The following CNMD variants were observed in gnomAD, a reference collection of about 807,000 sequenced individuals.
CNMD encodes the protein leukocyte cell-derived chemotaxin 1.
In CNMD, 30 loss-of-function variants were observed where a neutral mutation model predicts 37.5. The ratio of observed to expected loss-of-function variants is 0.80; its 90% CI spans 0.60 to 1.09. CNMD has a LOEUF of 1.09. Among genes scored for constraint, CNMD ranks in the 50% least tolerant of loss-of-function variants. The probability of loss-of-function intolerance (pLI) is 0.00; values close to 1 mark genes in which losing one functional copy is unlikely to be tolerated. For missense variants in CNMD, 398 were observed against 423.9 expected (o/e 0.94, Z 0.54); for synonymous variants, 167 against 148.2 (o/e 1.13, Z -0.92).
At chr13:52,730,916 C>T (rs541008842) in intron 3 of CNMD, among the ~76,000 whole-genome samples, 2 of 152,044 alleles carry the variant, frequency 1.3e-5, no homozygotes, top group South Asian at 4.2e-4. Flanking sequence ...CTGGACGAAC[C>T]GGGGAGACTG....
chr13:52,721,841 A>T (rs2138249314), intron 4 of CNMD, among the ~76,000 whole-genome samples: 1 of 152,370 alleles, frequency 6.6e-6, no homozygotes. Flanking sequence ...CAGAAAATAT[A>T]CTGCAAACTT....
At chr13:52,724,198 G>A (rs1594285249) in intron 3 of CNMD, 88 bp from the exon 4 acceptor site, 13 of 956,810 alleles carry the variant, frequency 1.4e-5, no homozygotes, top group African/African-American at 4.8e-5. Context: ...ATGCTGTTCC[G>A]GGTGCTAGGG....
chr13:52,704,803 T>C (rs889616082), intron 6 of CNMD, among the ~76,000 whole-genome samples: 48 of 152,174 alleles, frequency 3.2e-4, no homozygotes, highest in African/African-American at 1.2e-3. Flanking sequence ...GGCTCATGCC[T>C]GCAATCCCAG....
At chr13:52,705,195 G>A (rs1392703042) in intron 6 of CNMD, among the ~76,000 whole-genome samples, 2 of 152,050 alleles carry the variant, frequency 1.3e-5, no homozygotes, top group Admixed American at 1.3e-4. Flanking sequence ...CAAAAGATAG[G>A]GAAATAATTT....
At chr13:52,709,289 T>G (rs1483711027) in intron 5 of CNMD, among the ~76,000 whole-genome samples, 1 of 152,196 alleles carries the variant, frequency 6.6e-6, no homozygotes, top group African/African-American at 2.4e-5. Context: ...GGAAAGAGAC[T>G]TGATGGTATC....
intron 2 of CNMD, among the ~76,000 whole-genome samples, chr13:52,733,672 C>T (rs1964712200): frequency 1.3e-5 from 2 of 152,160 alleles, no homozygotes; most frequent in Admixed American, 6.5e-5. Flanking sequence ...CTGGGTTTCA[C>T]CCTGGACAAA....
intron 6 of CNMD, among the ~76,000 whole-genome samples, 173 bp from the exon 7 acceptor site, chr13:52,703,983 A>C (rs1233946600): frequency 6.6e-6 from 1 of 151,196 alleles, no homozygotes; most frequent in South Asian, 2.1e-4. Context: ...GCTGTCATTC[A>C]TAATTCCTTT....
chr13:52,737,562 G>A (rs1013364408), intron 2 of CNMD, among the ~76,000 whole-genome samples: 5 of 152,092 alleles, frequency 3.3e-5, no homozygotes, highest in Non-Finnish European at 7.4e-5. Context: ...TGTTTACCTT[G>A]AATAATTAAA....
intron 2 of CNMD, among the ~76,000 whole-genome samples, chr13:52,738,164 C>T (rs1445218354): frequency 6.6e-6 from 1 of 152,124 alleles, no homozygotes; most frequent in Non-Finnish European, 1.5e-5. Context: ...TTGTGTGTGC[C>T]CTGGAGATGG....
chr13:52,737,232 T>G (rs566017060), intron 2 of CNMD, among the ~76,000 whole-genome samples: 2 of 152,370 alleles, frequency 1.3e-5, no homozygotes, highest in Non-Finnish European at 2.9e-5. Flanking sequence ...GACCTGTGCA[T>G]GTGCTATGCC....
rs116195204 is a variant in CNMD, at chr13:52,703,863, G to A, written c.790-53C>T. On this transcript the variant is annotated intron_variant, in intron 6 of 6. Coordinates refer to ENST00000377962, the MANE Select transcript of CNMD (RefSeq NM_007015.3). Reference sequence around the variant, plus strand: ...ATAACTGCATAGTGGGAAGGTCATAGCATGCATGTTATTTTTAAATAAGAT... The same window carrying A: ...ATAACTGCATAGTGGGAAGGTCATAACATGCATGTTATTTTTAAATAAGAT... The A allele has an allele frequency of 2.5e-3, 3,694 of 1,449,238 alleles. 76 individuals are homozygous for A. In the African/African-American group the frequency reaches 0.043, roughly 17 times the overall value. The allele number at this position is 1,449,238 out of a possible 1,614,324, so 89.8% of individuals were successfully genotyped here.
At chr13:52,717,597 TA>T (rs754296564) in intron 4 of CNMD, among the ~76,000 whole-genome samples, 75 of 152,240 alleles carry the variant, frequency 4.9e-4, no homozygotes, top group Non-Finnish European at 8.5e-4. Flanking sequence ...TCTATTGAGA[TA>T]ATCATGTGTT....
chr13:52,734,793 G>A (rs531726446), intron 2 of CNMD, among the ~76,000 whole-genome samples: 13 of 152,284 alleles, frequency 8.5e-5, no homozygotes, highest in African/African-American at 3.1e-4. Context: ...TCCTCATTAT[G>A]AAGAGTGACT....
intron 3 of CNMD, among the ~76,000 whole-genome samples, chr13:52,729,833 TTTA>T (rs1964632887): frequency 2.0e-5 from 3 of 152,150 alleles, no homozygotes; most frequent in South Asian, 4.2e-4. Flanking sequence ...TTTTTAAAAT[TTTA>T]TTATTATTAT....
rs1303651674 is a variant in CNMD, at chr13:52,724,088, G to A, written c.377C>T (p.Ala126Val). The A allele has an allele frequency of 6.2e-7, 1 of 1,613,636 alleles. No homozygotes were observed. The highest frequency in any genetic ancestry group is 2.2e-5 in the East Asian group (1 of 44,856). ...FQNGITGIRF[A>V]GGEKCYIKAQ... ...TTTAATGTAGCACTTCTCTCCTCCA[G>A]CAAAACGAATTCCTGTGATGCCCTA... The change falls in exon 4 of 7, where the codon GCT becomes GTT. Residue 126 changes from alanine to valine, a missense_variant. Ala to Val is a moderately conservative substitution (Grantham distance 64). Coordinates refer to ENST00000377962, the MANE Select transcript of CNMD (RefSeq NM_007015.3).
intron 6 of CNMD, among the ~76,000 whole-genome samples, chr13:52,704,595 T>C (rs538193338): frequency 3.0e-4 from 46 of 152,276 alleles, no homozygotes; most frequent in African/African-American, 1.1e-3. Context: ...TTTGGGGACT[T>C]GTAAGGGTGG....
intron 3 of CNMD, among the ~76,000 whole-genome samples, chr13:52,730,319 A>G (rs1051461160): frequency 2.0e-5 from 3 of 152,182 alleles, no homozygotes; most frequent in Admixed American, 6.5e-5. Flanking sequence ...ATGATTTATA[A>G]TCCTTTGGGT....
At chr13:52,715,546 C>A (rs1195433098) in intron 4 of CNMD, among the ~76,000 whole-genome samples, 2 of 152,186 alleles carry the variant, frequency 1.3e-5, no homozygotes, top group East Asian at 3.9e-4. Flanking sequence ...TGTTCCCCTC[C>A]CTGTGTCCAT....
At chr13:52,738,325 T>C (rs1964809262) in intron 2 of CNMD, among the ~76,000 whole-genome samples, 1 of 152,170 alleles carries the variant, frequency 6.6e-6, no homozygotes, top group African/African-American at 2.4e-5. Flanking sequence ...GTCTTTATAC[T>C]CCTCGAGAGC....
Sources: allele counts gnomAD v4.1 joint callset (sites outside exome capture counted in the v4.1 genomes callset), GRCh38; gene constraint gnomAD v4.1.1; transcripts MANE v1.5; gene names NCBI Gene and HGNC (gene_info 2026-07-23, HGNC 2026-07-21).